The following CHERP variants were observed in gnomAD, a reference collection of about 807,000 sequenced individuals.
CHERP encodes the protein ERPROT 213-21.
Under a neutral mutation model 113.8 loss-of-function variants are expected in CHERP, and 8 were observed. The observed-to-expected ratio is 0.07, with a 90% CI of 0.04 to 0.13. CHERP has a LOEUF of 0.13. Ranked by LOEUF, CHERP falls within the 10% of genes least tolerant of loss-of-function variation. The pLI is 1.00. For synonymous variants in CHERP, 559 were observed against 524.5 expected (o/e 1.07, Z -0.90); for missense variants, 884 against 1,298.2 (o/e 0.68, Z 4.90).
rs763316132 is a variant in CHERP, at chr19:16,519,597, G to A, written c.2557+24C>T. 34 of 1,598,848 alleles carry A rather than the reference G, an allele frequency of 2.1e-5. No homozygotes were observed. In the East Asian group the frequency reaches 6.0e-4, roughly 28 times the overall value. On this transcript the variant is annotated intron_variant, in intron 16 of 16. Transcript: ENST00000546361. The surrounding 1 kb of genome is among the most constrained non-coding windows in gnomAD (Gnocchi z 6.0). ...CAGCACGCGTGAGGACCCATCCCGC[G>A]CCCTCCCCATTCCCTCGCCTTACCC...
rs760005270 is a variant in CHERP, at chr19:16,519,379, A to G, written c.2558-27T>C. 7 of 1,601,194 alleles carry G rather than the reference A, an allele frequency of 4.4e-6. No homozygotes were observed. The South Asian group carries it at 6.7e-5, about 15-fold the overall frequency. ...TGGAAACAGAGACGCAGTCACAACC[A>G]CAACAAGGCGGAGGCAGATGGGGGT... On this transcript the variant is annotated intron_variant, in intron 16 of 16. Transcript: ENST00000546361. This position sits in a 1 kb window ranked among gnomAD's most constrained non-coding sequence, Gnocchi z 6.0.
At chr19:16,531,472 C>T (rs951247435) in intron 5 of CHERP, among the ~76,000 whole-genome samples, 4 of 152,106 alleles carry the variant, frequency 2.6e-5, no homozygotes, top group Admixed American at 1.3e-4. Flanking sequence ...CTGGGAGGCC[C>T]CTGCCGCTGC....
rs758059281 is a variant in CHERP, at chr19:16,520,931, CGT to C, written c.2115-21_2115-20del. 2.4e-5 allele frequency: 39 copies of C among 1,607,422 alleles called. No individual in the cohort carries two copies. The highest frequency in any genetic ancestry group is 3.3e-5 in the South Asian group (3 of 90,980). On this transcript the variant is annotated intron_variant, in intron 12 of 16. Transcript: ENST00000546361. This position sits in a 1 kb window ranked among gnomAD's most constrained non-coding sequence, Gnocchi z 4.0. ...GCCTTCACTGTAAGACACGGCATTC[CGT>C]GTGTGACCACGTGACACCCACCCAC...
chr19:16,518,873 G>C lies in CHERP; in HGVS notation c.*286C>G, dbSNP rs1387884932. 3 of 439,866 alleles carry C rather than the reference G, an allele frequency of 6.8e-6. No homozygotes were observed. Among genetic ancestry groups the C allele is most frequent in the Admixed American group, 8.5e-5 (2 of 23,422 alleles). 27.2% of individuals were successfully genotyped at this position (439,866 alleles called of 1,614,324 possible). A position where few individuals can be genotyped will look rare whatever the true frequency, so the allele number is the denominator to read the frequency against. Reference sequence around the variant, plus strand: ...CTTCGTGGCTGAAGAATTTACTCGGGCGGAGGGTCTTGTGTTTTTTGCTTC... The same window carrying C: ...CTTCGTGGCTGAAGAATTTACTCGGCCGGAGGGTCTTGTGTTTTTTGCTTC... On this transcript the variant is annotated 3_prime_UTR_variant, in exon 17 of 17. Coordinates refer to ENST00000546361, the MANE Select transcript of CHERP (RefSeq NM_006387.6).
chr19:16,530,681 G>A lies in CHERP; in HGVS notation c.787-7C>T, dbSNP rs1462268634. 1.2e-6 allele frequency: 2 copies of A among 1,613,880 alleles called. No homozygotes were observed. Among genetic ancestry groups the A allele is most frequent in the Non-Finnish European group, 1.7e-6 (2 of 1,179,856 alleles). Reference sequence around the variant, plus strand: ...TCTCCCAGAGCTGCAGGAGCTGGCGGTGGGAGGAGAGAGAGGCCGGGTCAG... The same window carrying A: ...TCTCCCAGAGCTGCAGGAGCTGGCGATGGGAGGAGAGAGAGGCCGGGTCAG... On this transcript the variant is annotated splice_region_variant and splice_polypyrimidine_tract_variant and intron_variant, in intron 6 of 16. Transcript: ENST00000546361. The surrounding 1 kb of genome is among the most constrained non-coding windows in gnomAD (Gnocchi z 4.1).
chr19:16,523,003 G>A lies in CHERP; in HGVS notation c.1980+49C>T. 2.7e-6 allele frequency: 4 copies of A among 1,476,838 alleles called. No homozygotes were observed. The highest frequency in any genetic ancestry group is 1.5e-5 in the African/African-American group (1 of 68,412). 91.5% of individuals were successfully genotyped at this position (1,476,838 alleles called of 1,614,324 possible). On this transcript the variant is annotated intron_variant, in intron 11 of 16. Transcript: ENST00000546361. This position sits in a 1 kb window ranked among gnomAD's most constrained non-coding sequence, Gnocchi z 4.0. ...TTCACTTTTCACAAGGAGAAACGGG[G>A]ACCAGTATGGTAAGCGTGCTCAGCT... is the stretch of plus-strand genomic sequence containing the variant.
In CHERP at chr19:16,535,664, A is replaced by T. The variant is rs767336236; in HGVS notation, c.200-28T>A. On this transcript the variant is annotated intron_variant, in intron 2 of 16. Coordinates refer to ENST00000546361, the MANE Select transcript of CHERP (RefSeq NM_006387.6). The surrounding 1 kb of genome is among the most constrained non-coding windows in gnomAD (Gnocchi z 4.3). Reference sequence around the variant, plus strand: ...GGAGGGAGAGGAGGAGGGGTGCCCCATGAGAATGCAGATGGGGGTCTAGGT... The same window carrying T: ...GGAGGGAGAGGAGGAGGGGTGCCCCTTGAGAATGCAGATGGGGGTCTAGGT... The T allele has an allele frequency of 4.7e-5, 70 of 1,474,152 alleles. 1 individual carries two copies. Among genetic ancestry groups the T allele is most frequent in the African/African-American group, 4.2e-5 (3 of 71,124 alleles). 91.3% of individuals were successfully genotyped at this position (1,474,152 alleles called of 1,614,324 possible).
Position 16,525,887 on chromosome 19 carries a change from C to T in CHERP, c.1306-210G>A, listed in dbSNP as rs1041085952. Among the ~76,000 whole-genome samples, 1 of 152,226 alleles carries T rather than the reference C, an allele frequency of 6.6e-6. No homozygotes were observed. The highest frequency in any genetic ancestry group is 2.1e-4 in the South Asian group (1 of 4,838). The stretch of plus-strand genomic sequence containing the variant: ...TGCTGCTGCAAAATGACCAGACACC[C>T]AACCGCTGCACCCGCATCTCAGTCC... On this transcript the variant is annotated intron_variant, in intron 9 of 16. Coordinates refer to ENST00000546361, the MANE Select transcript of CHERP (RefSeq NM_006387.6). This position sits in a 1 kb window ranked among gnomAD's most constrained non-coding sequence, Gnocchi z 6.5.
At chr19:16,524,798 G>A (rs988712017) in intron 10 of CHERP, among the ~76,000 whole-genome samples, 3 of 150,826 alleles carry the variant, frequency 2.0e-5, no homozygotes, top group South Asian at 2.1e-4. Flanking sequence ...GCGGTCTGTC[G>A]CCCAGGGTGG....
chr19:16,539,218 G>C (rs1158389047), intron 2 of CHERP, among the ~76,000 whole-genome samples: 1 of 150,662 alleles, frequency 6.6e-6, no homozygotes, highest in African/African-American at 2.5e-5. Flanking sequence ...TGCGATCTCG[G>C]CTCACTGCAA....
At position 16,525,203 on chromosome 19, in the gene CHERP, T is replaced by C. The variant is rs909456463; in HGVS notation, c.1741+39A>G. ...GCCTGCTCGGCAGGCGAGCCGTGGA[T>C]GCCTCCGCCAGGCCCTACCCAGGCG... On this transcript the variant is annotated intron_variant, in intron 10 of 16. Coordinates refer to ENST00000546361, the MANE Select transcript of CHERP (RefSeq NM_006387.6). The surrounding 1 kb of genome is among the most constrained non-coding windows in gnomAD (Gnocchi z 6.5). 7.2e-7 allele frequency: 1 copy of C among 1,392,176 alleles called. No homozygotes were observed. The highest frequency in any genetic ancestry group is 9.3e-7 in the Non-Finnish European group (1 of 1,071,634). The allele number at this position is 1,392,176 out of a possible 1,614,324, so 86.2% of individuals were successfully genotyped here.
At chr19:16,531,047 G>A (rs1236240426) in intron 5 of CHERP, 167 bp from the exon 6 acceptor site, 1 of 1,194,066 alleles carries the variant, frequency 8.4e-7, no homozygotes, top group African/African-American at 1.5e-5. Flanking sequence ...CTGGTGCCTG[G>A]GCTCGAGGAA....
intron 2 of CHERP, among the ~76,000 whole-genome samples, chr19:16,539,026 G>A (rs1436480523): frequency 1.3e-5 from 2 of 151,644 alleles, no homozygotes; most frequent in Non-Finnish European, 2.9e-5. Flanking sequence ...TTGCTCCCCT[G>A]CAGGCCTCAC....
chr19:16,533,278 T>G (rs1179037718), intron 3 of CHERP, 130 bp from the exon 4 acceptor site: 13 of 826,668 alleles, frequency 1.6e-5, no homozygotes, highest in Non-Finnish European at 2.1e-5. Context: ...GCTCTGGCCA[T>G]CAGCTCCCTT....
intron 5 of CHERP, among the ~76,000 whole-genome samples, chr19:16,531,802 ACT>A (rs1305891848): frequency 2.0e-5 from 3 of 151,648 alleles, no homozygotes; most frequent in Admixed American, 2.0e-4. Context: ...GGCAAGAGGG[ACT>A]CAGGCAGTGC....
rs779916331 is a variant in CHERP, at chr19:16,541,993, T to A, written c.76A>T (p.Asn26Tyr). 6.2e-7 allele frequency: 1 copy of A among 1,613,954 alleles called. No individual in the cohort carries two copies. Among genetic ancestry groups the A allele is most frequent in the Non-Finnish European group, 8.5e-7 (1 of 1,179,956 alleles). Reference protein sequence around the residue: ...IDKLAQFVARNGPEFEKMTME... With the variant: ...IDKLAQFVARYGPEFEKMTME... ...GTCATCTTCTCAAACTCGGGCCCAT[T>A]GCGAGCCACGAACTGGGCGAGCTTG... Residue 26 changes from asparagine to tyrosine, a missense_variant, in exon 2 of 17, where the codon AAT becomes TAT. By Grantham distance (143) the Asn-to-Tyr change is moderately radical. Around this residue, in one of 8 missense-constraint regions of CHERP, gnomAD observed 17 missense variants for 50.8 expected, o/e 0.33. Transcript: ENST00000546361.
chr19:16,537,431 T>C (rs1231076740), intron 2 of CHERP, among the ~76,000 whole-genome samples: 1 of 152,070 alleles, frequency 6.6e-6, no homozygotes, highest in Non-Finnish European at 1.5e-5. Context: ...ATGGTGTGAT[T>C]CCTAAATCCA....
chr19:16,536,870 G>A (rs1272259783), intron 2 of CHERP, among the ~76,000 whole-genome samples: 1 of 152,106 alleles, frequency 6.6e-6, no homozygotes, highest in Non-Finnish European at 1.5e-5. Context: ...AAATTAGTCG[G>A]GCGTGGTGGC....
chr19:16,528,770 G>A (rs375120871), intron 8 of CHERP, among the ~76,000 whole-genome samples: 5 of 152,136 alleles, frequency 3.3e-5, no homozygotes, highest in East Asian at 3.9e-4. Context: ...TGGCTAACAC[G>A]GTGAAACCCC....
Sources: gnomAD v4.1 joint callset for allele counts (sites outside exome capture counted in the v4.1 genomes callset) on GRCh38, gnomAD v4.1.1 for gene constraint, gnomAD v4.1.1 regional missense constraint, Gnocchi (gnomAD v3.1) non-coding constraint, MANE v1.5 for transcripts, NCBI Gene and HGNC (gene_info 2026-07-23, HGNC 2026-07-21) for gene names.